Variants in CPED1 observed in about 807,000 individuals in gnomAD.
CPED1 encodes the protein cadherin like and PC-esterase domain containing 1, also known as cadherin-like and PC-esterase domain-containing protein 1.
In CPED1, 114 loss-of-function variants were observed where a neutral mutation model predicts 128.2. The ratio of observed to expected loss-of-function variants is 0.89; its 90% CI spans 0.76 to 1.04. The LOEUF is 1.04. Ranked by LOEUF, CPED1 falls within the 50% of genes least tolerant of loss-of-function variation. The pLI, the probability that CPED1 is intolerant of heterozygous loss-of-function variation, is 0.00. For synonymous variants in CPED1, 462 were observed against 426.7 expected, an observed-to-expected ratio of 1.08 and a Z score of -1.02; for missense variants, 1,211 against 1,207.1, an observed-to-expected ratio of 1.00 and a Z score of -0.05.
intron 14 of CPED1, 51 bp downstream of exon 14, chr7:121,136,141 GC>G: frequency 6.7e-7 from 1 of 1,497,644 alleles, no homozygotes. Context: ...TTAGGGAACA[GC>G]CTTACTTTGA....
chr7:121,047,728 T>G (rs1330242301), intron 4 of CPED1, among the ~76,000 whole-genome samples: 1 of 134,022 alleles, frequency 7.5e-6, no homozygotes, highest in Non-Finnish European at 1.5e-5. Context: ...TTTTTTTTTT[T>G]GAGACGTAAT....
In CPED1 at chr7:121,140,986, T is replaced by C; in HGVS notation, c.1859T>C (p.Val620Ala). 1 of 1,611,648 alleles carries C rather than the reference T, an allele frequency of 6.2e-7. No individual in the cohort carries two copies. The highest frequency in any genetic ancestry group is 8.5e-7 in the Non-Finnish European group (1 of 1,178,914). The change falls in exon 15 of 23, where the codon GTG (valine) becomes GCG (alanine). Residue 620 changes from valine (V) to alanine (A), a missense_variant. Coordinates refer to ENST00000310396, the MANE Select transcript of CPED1 (RefSeq NM_024913.5). ...GAAACTCCTAAGTGTCTGTGCAAGG[T>C]GCACCTGTACGAGCAGGCAGGGCCA... ...GVETPKCLCK[V>A]HLYEQAGPSF...
At position 121,142,140 on chromosome 7, in the gene CPED1, AG is replaced by A; in HGVS notation, c.2055+1del. ...GCCTTCACAGCATGTGGTTTTGTGCAGGTAAGTGAAGTTTACATTTGCACTT... is the reference window on the plus strand; with the variant it reads ...GCCTTCACAGCATGTGGTTTTGTGCAGTAAGTGAAGTTTACATTTGCACTT... ...FEAFTACGFV[Q>X]DCGLLIHPEE... On this transcript the variant is annotated frameshift_variant and splice_region_variant, in exon 16 of 23. Transcript: ENST00000310396. LOFTEE classifies it high-confidence loss of function. The A allele has an allele frequency of 1.3e-6, 2 of 1,593,300 alleles. No individual in the cohort carries two copies. The highest frequency in any genetic ancestry group is 1.7e-5 in the Admixed American group (1 of 59,482).
chr7:121,155,474 A>G (rs1173102522), intron 16 of CPED1, among the ~76,000 whole-genome samples: 1 of 152,272 alleles, frequency 6.6e-6, no homozygotes, highest in Non-Finnish European at 1.5e-5. Flanking sequence ...ACAAAGCTAT[A>G]GTAACAAGAA....
At chr7:121,037,866 A>G (rs1228273071) in intron 3 of CPED1, among the ~76,000 whole-genome samples, 1 of 152,024 alleles carries the variant, frequency 6.6e-6, no homozygotes, top group African/African-American at 2.4e-5. Flanking sequence ...TTGATTAGGT[A>G]TATCCCTGAG....
intron 16 of CPED1, among the ~76,000 whole-genome samples, chr7:121,200,328 T>A (rs940660871): frequency 2.6e-5 from 4 of 152,092 alleles, no homozygotes; most frequent in African/African-American, 9.7e-5. Context: ...GGTGAAAACC[T>A]CAGATGTGTC....
At position 121,226,164 on chromosome 7, in the gene CPED1, G is replaced by A. The variant is rs569280061; in HGVS notation, c.2056-10550G>A. 1.7e-4 allele frequency among the ~76,000 whole-genome samples: 26 copies of A among 152,128 alleles called. No homozygotes were observed. In the South Asian group the frequency reaches 3.1e-3, roughly 18 times the overall value. ...GTTGGTAATCTACAGATGGGGTTTC[G>A]GTGTGGATGTCCTTTTTGTTGATGT... On this transcript the variant is annotated intron_variant, in intron 16 of 22. Coordinates refer to ENST00000310396, the MANE Select transcript of CPED1 (RefSeq NM_024913.5).
intron 22 of CPED1, among the ~76,000 whole-genome samples, chr7:121,290,733 T>A (rs1792682220): frequency 6.6e-6 from 1 of 152,194 alleles, no homozygotes; most frequent in Non-Finnish European, 1.5e-5. Context: ...TTGCAAAAAT[T>A]TACTCCCATT....
At chr7:121,290,984 G>A (rs999439838) in intron 22 of CPED1, among the ~76,000 whole-genome samples, 2 of 152,300 alleles carry the variant, frequency 1.3e-5, no homozygotes, top group Admixed American at 6.5e-5. Context: ...CTTGTATAAG[G>A]TGTAAGGAAG....
chr7:121,264,432 C>T (rs1792083680), intron 18 of CPED1, among the ~76,000 whole-genome samples: 1 of 152,056 alleles, frequency 6.6e-6, no homozygotes, highest in African/African-American at 2.4e-5. Context: ...TATTTTATTA[C>T]ACTGGAATGT....
At chr7:121,127,558 C>G (rs866960140) in intron 10 of CPED1, among the ~76,000 whole-genome samples, 12 of 135,162 alleles carry the variant, frequency 8.9e-5, no homozygotes, top group Non-Finnish European at 9.3e-5. Context: ...TTTTTTGAGA[C>G]AGAGTCTCGC....
At chr7:121,249,932 G>T (rs1442961994) in intron 18 of CPED1, among the ~76,000 whole-genome samples, 1 of 152,056 alleles carries the variant, frequency 6.6e-6, no homozygotes, top group Non-Finnish European at 1.5e-5. Flanking sequence ...AGTTAACAAG[G>T]ATATCCAGGA....
chr7:121,002,883 T>C (rs1791900180), intron 2 of CPED1, among the ~76,000 whole-genome samples: 1 of 152,220 alleles, frequency 6.6e-6, no homozygotes, highest in African/African-American at 2.4e-5. Flanking sequence ...TCCAATAATG[T>C]GTACGTAATC....
intron 3 of CPED1, among the ~76,000 whole-genome samples, chr7:121,026,924 G>C (rs1325990442): frequency 2.1e-5 from 3 of 144,584 alleles, no homozygotes; most frequent in Admixed American, 1.5e-4. Context: ...TTGACATCCT[G>C]GCCTCAATGG....
intron 16 of CPED1, among the ~76,000 whole-genome samples, chr7:121,146,456 C>G (rs1200057465): frequency 6.6e-6 from 1 of 152,104 alleles, no homozygotes; most frequent in Non-Finnish European, 1.5e-5. Context: ...CCATCCACTT[C>G]CAAATAACCA....
rs542168042 is a variant in CPED1 at position 121,073,044 on chromosome 7, C to T, written c.616+8731C>T. On this transcript the variant is annotated intron_variant, in intron 5 of 22. Coordinates refer to ENST00000310396, the MANE Select transcript of CPED1 (RefSeq NM_024913.5). ...GCAAGTGTTAGAAGCACTGACACCT[C>T]GTGCACTTGAAGACTTGCCCATAAC... 7.3e-4 allele frequency among the ~76,000 whole-genome samples: 111 copies of T among 152,088 alleles called. 1 individual carries two copies. Among genetic ancestry groups the T allele is most frequent in the Non-Finnish European group, 1.2e-3 (84 of 68,018 alleles).
chr7:120,996,115 C>T (rs1404655710), intron 2 of CPED1, among the ~76,000 whole-genome samples: 8 of 142,958 alleles, frequency 5.6e-5, no homozygotes, highest in Admixed American at 5.4e-4. Flanking sequence ...CCTATCTCCA[C>T]AAAAAGTTAA....
intron 16 of CPED1, among the ~76,000 whole-genome samples, chr7:121,229,755 T>G (rs1175565401): frequency 6.6e-6 from 1 of 152,082 alleles, no homozygotes; most frequent in Non-Finnish European, 1.5e-5. Flanking sequence ...ACTAAGTACA[T>G]CTTTCAATGC....
chr7:121,167,980 G>A (rs2116457425), intron 16 of CPED1, among the ~76,000 whole-genome samples: 1 of 152,090 alleles, frequency 6.6e-6, no homozygotes, highest in African/African-American at 2.4e-5. Context: ...TGATCCGCCC[G>A]CCTCGGCCTC....
Sources: allele counts gnomAD v4.1 joint callset (sites outside exome capture counted in the v4.1 genomes callset), GRCh38; gene constraint gnomAD v4.1.1; transcripts MANE v1.5; gene names NCBI Gene and HGNC (gene_info 2026-07-23, HGNC 2026-07-21).